Variants in FABP6 observed in about 807,000 individuals in gnomAD.
FABP6 encodes fatty acid binding protein 6, also known as gastrotropin.
In FABP6, 13 loss-of-function variants were observed where a neutral mutation model predicts 14.9. The ratio of observed to expected loss-of-function variants is 0.87; its 90% CI spans 0.57 to 1.39. The LOEUF (loss-of-function observed/expected upper bound fraction) is 1.39, where lower values mean the gene tolerates loss of function less well. FABP6 is among the 40% of genes most tolerant of loss of function. The pLI is 0.00. For synonymous variants in FABP6, 75 were observed against 63.6 expected, an observed-to-expected ratio of 1.18 and a Z score of -0.85; for missense variants, 161 against 167.2, an observed-to-expected ratio of 0.96 and a Z score of 0.20.
intron 2 of FABP6, among the ~76,000 whole-genome samples, chr5:160,204,029 T>C (rs1338296099): frequency 6.6e-6 from 1 of 151,792 alleles, no homozygotes; most frequent in Non-Finnish European, 1.5e-5. Context: ...CTGTAAATAT[T>C]TCAGTATAAA....
chr5:160,200,667 G>T (rs981986126), intron 2 of FABP6, among the ~76,000 whole-genome samples: 5 of 152,192 alleles, frequency 3.3e-5, no homozygotes, highest in Non-Finnish European at 7.3e-5. Context: ...ACCCGCCTTG[G>T]CCTCCCAAAG....
At chr5:160,193,081 T>C (rs923214385) in intron 1 of FABP6, among the ~76,000 whole-genome samples, 19 of 152,244 alleles carry the variant, frequency 1.2e-4, no homozygotes, top group Non-Finnish European at 2.1e-4. Flanking sequence ...TCTCACTGAC[T>C]TCAAGAATGA....
At chr5:160,204,497 A>AG (rs903000899) in intron 2 of FABP6, among the ~76,000 whole-genome samples, 2 of 151,584 alleles carry the variant, frequency 1.3e-5, no homozygotes, top group African/African-American at 2.4e-5. Flanking sequence ...TTCCTTTTTT[A>AG]GGGGGGGTGG....
At chr5:160,190,649 C>G (rs867502381) in intron 1 of FABP6, among the ~76,000 whole-genome samples, 1 of 152,170 alleles carries the variant, frequency 6.6e-6, no homozygotes, top group African/African-American at 2.4e-5. Context: ...TCAGAGTAAC[C>G]AGTTGCATGG....
chr5:160,223,962 C>T (rs1017446328), intron 3 of FABP6, among the ~76,000 whole-genome samples: 2 of 150,836 alleles, frequency 1.3e-5, no homozygotes, highest in African/African-American at 2.4e-5. Flanking sequence ...ATTGGCCGGG[C>T]GCAGTGGCTC....
chr5:160,226,328 C>T (rs539557649), upstream of FABP6, among the ~76,000 whole-genome samples: 1 of 151,100 alleles, frequency 6.6e-6, no homozygotes, highest in African/African-American at 2.4e-5. Flanking sequence ...TTTGGGAGGC[C>T]GAGGCGGGCA....
intron 3 of FABP6, among the ~76,000 whole-genome samples, chr5:160,218,937 T>C (rs992064815): frequency 9.9e-5 from 15 of 152,054 alleles, no homozygotes; most frequent in Admixed American, 9.2e-4. Flanking sequence ...TGTTTTTTAA[T>C]TTTTTTAGAG....
chr5:160,205,234 T>C (rs1323544686), intron 2 of FABP6, among the ~76,000 whole-genome samples: 1 of 144,392 alleles, frequency 6.9e-6, no homozygotes, highest in Non-Finnish European at 1.5e-5. Context: ...CAGGATTTGC[T>C]CTCTCAGCAG....
chr5:160,225,347 G>A (rs1760221449), upstream of FABP6, among the ~76,000 whole-genome samples: 1 of 151,282 alleles, frequency 6.6e-6, no homozygotes, highest in South Asian at 2.1e-4. Flanking sequence ...CTCCCACCTT[G>A]GCCTCCCAAA....
chr5:160,229,420 A>G, upstream of FABP6: 1 of 1,531,674 alleles, frequency 6.5e-7, no homozygotes, highest in South Asian at 1.3e-5. Flanking sequence ...CCTCTTCAGG[A>G]CAGGAGGGAG....
At chr5:160,210,404 C>G (rs577059315) in intron 2 of FABP6, among the ~76,000 whole-genome samples, 24 of 152,194 alleles carry the variant, frequency 1.6e-4, no homozygotes, top group Admixed American at 3.3e-4. Flanking sequence ...TACAAGTTAC[C>G]TTTCAACCTG....
chr5:160,202,055 C>A (rs1759652383), intron 2 of FABP6, among the ~76,000 whole-genome samples: 1 of 152,212 alleles, frequency 6.6e-6, no homozygotes, highest in Non-Finnish European at 1.5e-5. Flanking sequence ...TGAGCCACCT[C>A]ACCCAGCCAT....
intron 1 of FABP6, among the ~76,000 whole-genome samples, chr5:160,192,154 C>T (rs1352666228): frequency 1.3e-5 from 2 of 152,094 alleles, no homozygotes; most frequent in Non-Finnish European, 2.9e-5. Flanking sequence ...GTCACCTACC[C>T]AGCCAGCCTT....
chr5:160,213,791 A>G (rs1759947274), exon 3 of FABP6: 1 of 1,613,762 alleles, frequency 6.2e-7, no homozygotes, highest in African/African-American at 1.3e-5. Context: ...GGAGACCTGC[A>G]GAGAATGAAA....
intron 2 of FABP6, among the ~76,000 whole-genome samples, chr5:160,201,200 A>G (rs1252411646): frequency 6.6e-6 from 1 of 151,940 alleles, no homozygotes; most frequent in East Asian, 1.9e-4. Flanking sequence ...TAAAAAAAAA[A>G]TACACAAATT....
chr5:160,193,246 G>T (rs573939511), intron 1 of FABP6, among the ~76,000 whole-genome samples: 40 of 152,086 alleles, frequency 2.6e-4, no homozygotes, highest in Admixed American at 1.3e-3. Context: ...CGCGGTGAGT[G>T]TTGCGGCACG....
intron 2 of FABP6, among the ~76,000 whole-genome samples, chr5:160,210,219 A>C (rs1338993176): frequency 6.6e-6 from 1 of 152,256 alleles, no homozygotes; most frequent in Non-Finnish European, 1.5e-5. Flanking sequence ...CCTGGTTACC[A>C]GGAGATATGG....
chr5:160,193,356 T>C (rs1759438728), intron 1 of FABP6, among the ~76,000 whole-genome samples: 2 of 152,212 alleles, frequency 1.3e-5, no homozygotes, highest in Non-Finnish European at 2.9e-5. Flanking sequence ...ATAAAAGCAG[T>C]GGGGACCCAA....
At chr5:160,203,170 G>A (rs1349591548) in intron 2 of FABP6, among the ~76,000 whole-genome samples, 3 of 151,992 alleles carry the variant, frequency 2.0e-5, no homozygotes, top group African/African-American at 7.3e-5. Flanking sequence ...TCAAAGTGCT[G>A]GGATTACAGG....
Sources: gnomAD v4.1 joint callset for allele counts (sites outside exome capture counted in the v4.1 genomes callset) on GRCh38, gnomAD v4.1.1 for gene constraint, MANE v1.5 for transcripts, NCBI Gene and HGNC (gene_info 2026-07-23, HGNC 2026-07-21) for gene names.